JADE1: variants seen among roughly 807,000 people sequenced by gnomAD.
JADE1 encodes protein Jade-1.
JADE1 carries 14 observed loss-of-function variants against 81.8 expected under a neutral mutation model. That is an observed-to-expected ratio of 0.17 (90% confidence interval 0.11 to 0.27). The LOEUF is 0.27. Ranked by LOEUF, JADE1 falls within the 10% of genes least tolerant of loss-of-function variation. JADE1 has a pLI of 1.00. For synonymous variants in JADE1, 353 were observed against 391.9 expected, an observed-to-expected ratio of 0.90 and a Z score of 1.17; for missense variants, 690 against 1,047.9, an observed-to-expected ratio of 0.66 and a Z score of 4.71.
chr4:128,861,452 C>T (rs1731318758), intron 8 of JADE1, among the ~76,000 whole-genome samples: 1 of 152,184 alleles, frequency 6.6e-6, no homozygotes, highest in African/African-American at 2.4e-5. Flanking sequence ...ATCTCTTTTG[C>T]CCAAGAGTTG....
rs201538651 is a variant in JADE1 at position 128,857,329 on chromosome 4, G to A, written c.865-9G>A. ...GAGCCACCCTGTCTTGCTGTTTTCC[G>A]ACCTTTAGGTGAGCATTGGCAGCCC... is the stretch of plus-strand genomic sequence containing the variant. On this transcript the variant is annotated splice_polypyrimidine_tract_variant and intron_variant, in intron 7 of 10. Coordinates refer to ENST00000226319, the MANE Select transcript of JADE1 (RefSeq NM_199320.4). 29 of 1,611,944 alleles carry A rather than the reference G, an allele frequency of 1.8e-5. No individual in the cohort carries two copies. Among genetic ancestry groups the A allele is most frequent in the Middle Eastern group, 1.7e-4 (1 of 6,056 alleles).
At chr4:128,839,798 G>GT (rs1251100510) in intron 2 of JADE1, among the ~76,000 whole-genome samples, 3 of 152,168 alleles carry the variant, frequency 2.0e-5, no homozygotes, top group Non-Finnish European at 2.9e-5. Flanking sequence ...ATATACCAGA[G>GT]TTTTTTCATT....
Position 128,863,942 on chromosome 4 carries a change from T to A in JADE1, c.1503+1717T>A, listed in dbSNP as rs1731580539. 9 of 985,140 alleles carry A rather than the reference T, an allele frequency of 9.1e-6. No individual in the cohort carries two copies. The South Asian group carries it at 4.2e-4, about 46-fold the overall frequency. The allele number at this position is 985,140 out of a possible 1,614,324, so 61.0% of individuals were successfully genotyped here. On this transcript the variant is annotated intron_variant, in intron 9 of 10. Coordinates refer to ENST00000226319, the MANE Select transcript of JADE1 (RefSeq NM_199320.4). ...GAAAATGCTTGTGGTGTACTAACTC[T>A]TTTCTGTACTTAAGTTACTCAGATT...
chr4:128,873,139 C>G lies in JADE1; in HGVS notation c.*877C>G, dbSNP rs1166183672. 6 of 217,112 alleles carry G rather than the reference C, an allele frequency of 2.8e-5. No homozygotes were observed. The South Asian group carries it at 3.7e-4, about 13-fold the overall frequency. 13.4% of individuals were successfully genotyped at this position (217,112 alleles called of 1,614,324 possible). On this transcript the variant is annotated 3_prime_UTR_variant, in exon 11 of 11. Coordinates refer to ENST00000226319, the MANE Select transcript of JADE1 (RefSeq NM_199320.4). ...CTGGCTTCCAATAGTACAGTGGCTA[C>G]TCAAGTTCAAGCGAAGAACTTCCAG... is the stretch of plus-strand genomic sequence containing the variant.
chr4:128,844,383 A>C (rs1467196419), intron 3 of JADE1, among the ~76,000 whole-genome samples: 1 of 152,154 alleles, frequency 6.6e-6, no homozygotes, highest in African/African-American at 2.4e-5. Context: ...AGTCCAAACT[A>C]TATGTATGGC....
Position 128,859,347 on chromosome 4 carries a change from G to A in JADE1, c.981+1893G>A, listed in dbSNP as rs562434019. ...ATATGTATGCTGTATGCATGTATGCGTATTTGAGTATGCGTGTGTGAATGT... is the reference window on the plus strand; with the variant it reads ...ATATGTATGCTGTATGCATGTATGCATATTTGAGTATGCGTGTGTGAATGT... On this transcript the variant is annotated intron_variant, in intron 8 of 10. Transcript: ENST00000226319. 5.3e-5 allele frequency among the ~76,000 whole-genome samples: 8 copies of A among 152,070 alleles called. No homozygotes were observed. In the East Asian group the frequency reaches 9.7e-4, roughly 18 times the overall value.
At chr4:128,862,517 C>A (rs1731425740) in intron 9 of JADE1, 7 of 1,252,858 alleles carry the variant, frequency 5.6e-6, no homozygotes, top group Non-Finnish European at 7.0e-6. Context: ...TCCCCACCCC[C>A]ATTCCTTCAT....
At chr4:128,829,163 G>A (rs1728323572) in intron 1 of JADE1, among the ~76,000 whole-genome samples, 1 of 152,186 alleles carries the variant, frequency 6.6e-6, no homozygotes, top group Admixed American at 6.5e-5. Context: ...ATAGGGAGTG[G>A]ACCACTGGTG....
chr4:128,862,823 C>T (rs1316964176), intron 9 of JADE1: 3 of 995,056 alleles, frequency 3.0e-6, no homozygotes, highest in Non-Finnish European at 2.4e-6. Context: ...TGTGCATGAG[C>T]TGTATGTACA....
At chr4:128,822,526 A>G (rs1447438782) in intron 1 of JADE1, among the ~76,000 whole-genome samples, 1 of 151,792 alleles carries the variant, frequency 6.6e-6, no homozygotes, top group African/African-American at 2.4e-5. Context: ...AGCCTGACCA[A>G]CATGGAGAAA....
intron 2 of JADE1, among the ~76,000 whole-genome samples, chr4:128,838,346 GAACTT>G (rs1286236309): frequency 2.0e-5 from 3 of 152,182 alleles, no homozygotes; most frequent in Admixed American, 6.5e-5. Context: ...TCAGTAAAGT[GAACTT>G]AACTTTAGGT....
chr4:128,858,860 G>A lies in JADE1; in HGVS notation c.981+1406G>A, dbSNP rs9917876. 1.7e-3 allele frequency among the ~76,000 whole-genome samples: 258 copies of A among 152,078 alleles called. 2 individuals are homozygous for A. The highest frequency in any genetic ancestry group is 5.8e-3 in the African/African-American group (240 of 41,480). On this transcript the variant is annotated intron_variant, in intron 8 of 10. Coordinates refer to ENST00000226319, the MANE Select transcript of JADE1 (RefSeq NM_199320.4). ...CCTGACCTCGTGATCCACCCACCTC[G>A]GCCTCCCAAAATGCTGGGATTACAG...
At chr4:128,858,267 A>G (rs1347904609) in intron 8 of JADE1, among the ~76,000 whole-genome samples, 1 of 152,108 alleles carries the variant, frequency 6.6e-6, no homozygotes, top group Non-Finnish European at 1.5e-5. Context: ...CCCTACTGAG[A>G]AGTTCGTTTT....
At chr4:128,830,908 C>G (rs1470661848) in intron 1 of JADE1, among the ~76,000 whole-genome samples, 1 of 152,196 alleles carries the variant, frequency 6.6e-6, no homozygotes, top group Non-Finnish European at 1.5e-5. Flanking sequence ...TTATCATCAG[C>G]TACCTGGGAG....
intron 2 of JADE1, among the ~76,000 whole-genome samples, chr4:128,837,832 T>C (rs952232807): frequency 1.4e-4 from 22 of 152,242 alleles, no homozygotes; most frequent in Admixed American, 1.3e-4. Context: ...TGAGACAGGA[T>C]GACCGCTGTT....
intron 1 of JADE1, among the ~76,000 whole-genome samples, chr4:128,824,705 A>G (rs1227544896): frequency 6.6e-6 from 1 of 152,226 alleles, no homozygotes. Flanking sequence ...ATTTTAATAC[A>G]TAGTATTGCA....
chr4:128,824,891 A>G lies in JADE1; in HGVS notation c.-26-6842A>G, dbSNP rs185834613. On this transcript the variant is annotated intron_variant, in intron 1 of 10. Transcript: ENST00000226319. ...CTAGGTTGTAATCCTTATTATAGCT[A>G]TAGAGTTTATGGCCTGATAAATGGG... Among the ~76,000 whole-genome samples the G allele has an allele frequency of 5.7e-3, 871 of 152,310 alleles. 15 individuals carry two copies. Among genetic ancestry groups the G allele is most frequent in the African/African-American group, 0.02 (833 of 41,552 alleles).
chr4:128,861,661 T>C, intron 8 of JADE1, 43 bp from the exon 9 acceptor site: 1 of 1,589,710 alleles, frequency 6.3e-7, no homozygotes. Context: ...CCATCATTGC[T>C]CTATAATGGT....
rs533301381 is a variant in JADE1, at chr4:128,830,568, G to T, written c.-26-1165G>T. ...TTGTTAACACCACATCATACATATT[G>T]TGATTCCCAATGAGGAGGAGGTTGG... On this transcript the variant is annotated intron_variant, in intron 1 of 10. Transcript: ENST00000226319. Among the ~76,000 whole-genome samples, 17 of 152,222 alleles carry T rather than the reference G, an allele frequency of 1.1e-4. 1 individual carries two copies. In the South Asian group the frequency reaches 3.5e-3, roughly 32 times the overall value.
Sources: allele counts gnomAD v4.1 joint callset (sites outside exome capture counted in the v4.1 genomes callset), GRCh38; gene constraint gnomAD v4.1.1; transcripts MANE v1.5; gene names NCBI Gene and HGNC (gene_info 2026-07-23, HGNC 2026-07-21).